ITIH5: variants seen among roughly 807,000 people sequenced by gnomAD.
ITIH5 encodes inter-alpha-trypsin inhibitor heavy chain H5.
A neutral mutation model predicts 77.5 loss-of-function variants in ITIH5; 65 were observed. The ratio of observed to expected loss-of-function variants is 0.84; its 90% CI spans 0.69 to 1.03. The LOEUF (loss-of-function observed/expected upper bound fraction) is 1.03, where lower values mean the gene tolerates loss of function less well. Ranked by LOEUF, ITIH5 falls within the 50% of genes least tolerant of loss-of-function variation. ITIH5 has a pLI of 0.00. For missense variants in ITIH5, 1,208 were observed against 1,213.1 expected (o/e 1.00, Z 0.06); for synonymous variants, 525 against 494.3 (o/e 1.06, Z -0.82).
Position 7,585,886 on chromosome 10 carries a change from A to C in ITIH5, c.1108+15T>G. The C allele has an allele frequency of 5.7e-6, 9 of 1,578,344 alleles. No individual in the cohort carries two copies. Among genetic ancestry groups the C allele is most frequent in the Non-Finnish European group, 6.9e-6 (8 of 1,164,010 alleles). The stretch of plus-strand genomic sequence containing the variant: ...TCAAAGCCAAGCCAATGTGAAAAGA[A>C]GGTGTCATCTTTACCTCCAGTGGGT... On this transcript the variant is annotated intron_variant, in intron 8 of 13. Coordinates refer to ENST00000397146, the MANE Select transcript of ITIH5 (RefSeq NM_030569.7).
chr10:7,623,702 G>C (rs921203078), intron 5 of ITIH5, among the ~76,000 whole-genome samples: 2 of 150,978 alleles, frequency 1.3e-5, no homozygotes. Context: ...ACTCAGGAGG[G>C]TGAGGCAGGA....
At chr10:7,612,030 CT>C (rs1564259615) in intron 7 of ITIH5, among the ~76,000 whole-genome samples, 1 of 151,562 alleles carries the variant, frequency 6.6e-6, no homozygotes, top group Non-Finnish European at 1.5e-5. Flanking sequence ...TTGGCACAGA[CT>C]TTTTAGAAAA....
intron 7 of ITIH5, among the ~76,000 whole-genome samples, chr10:7,605,541 C>G (rs1045887911): frequency 7.9e-5 from 12 of 151,650 alleles, no homozygotes; most frequent in Admixed American, 2.0e-4. Context: ...GCACCCCACC[C>G]CCAACAGCCT....
chr10:7,651,216 C>G (rs1834095062), intron 2 of ITIH5, among the ~76,000 whole-genome samples: 1 of 150,208 alleles, frequency 6.7e-6, no homozygotes, highest in Non-Finnish European at 1.5e-5. Context: ...AGCAGACAAC[C>G]CTGCTGCAAG....
At chr10:7,657,911 A>C (rs1834213623) in intron 1 of ITIH5, among the ~76,000 whole-genome samples, 1 of 152,248 alleles carries the variant, frequency 6.6e-6, no homozygotes, top group Admixed American at 6.5e-5. Context: ...AGTGACCAAC[A>C]GGTGCAGAGC....
chr10:7,599,727 A>C (rs1230638228), intron 7 of ITIH5, among the ~76,000 whole-genome samples: 1 of 152,234 alleles, frequency 6.6e-6, no homozygotes, highest in African/African-American at 2.4e-5. Flanking sequence ...GGCTGGGAAA[A>C]AGCCATGCTC....
intron 7 of ITIH5, among the ~76,000 whole-genome samples, chr10:7,614,622 T>C (rs1287767963): frequency 6.6e-6 from 1 of 152,142 alleles, no homozygotes; most frequent in Non-Finnish European, 1.5e-5. Context: ...TAAACCCTAG[T>C]CTCACTTCAT....
rs1433904375 is a variant in ITIH5 at position 7,559,362 on chromosome 10, C to T, written c.*3721G>A. ...GACCAATATGTTGTTTGTTTTTATG[C>T]ATCGTTCTCTTATAAATTTTTTGTC... On this transcript the variant is annotated 3_prime_UTR_variant, in exon 14 of 14. Transcript: ENST00000397146. 2.0e-5 allele frequency: 3 copies of T among 146,888 alleles called. No homozygotes were observed. Among genetic ancestry groups the T allele is most frequent in the African/African-American group, 8.2e-5 (3 of 36,808 alleles). 9.1% of individuals were successfully genotyped at this position (146,888 alleles called of 1,614,324 possible).
chr10:7,624,728 G>A (rs1484505858), intron 5 of ITIH5, among the ~76,000 whole-genome samples: 1 of 136,680 alleles, frequency 7.3e-6, no homozygotes, highest in Non-Finnish European at 1.6e-5. Context: ...AGAGGTTGCA[G>A]TGAGCCAAGA....
chr10:7,644,498 TCA>T (rs1833946298), intron 2 of ITIH5, among the ~76,000 whole-genome samples: 1 of 139,556 alleles, frequency 7.2e-6, no homozygotes, highest in Non-Finnish European at 1.5e-5. Flanking sequence ...TATATCATAA[TCA>T]CATATATATG....
At chr10:7,575,458 C>T (rs1006687507) in intron 10 of ITIH5, among the ~76,000 whole-genome samples, 1 of 152,178 alleles carries the variant, frequency 6.6e-6, no homozygotes, top group Non-Finnish European at 1.5e-5. Context: ...AGTTTCCTCT[C>T]CTAGGAGAGA....
chr10:7,571,885 T>A, intron 11 of ITIH5: 1 of 770,492 alleles, frequency 1.3e-6, no homozygotes, highest in Non-Finnish European at 1.6e-6. Flanking sequence ...TGATCTGTTG[T>A]TGGTTCGATC....
intron 7 of ITIH5, among the ~76,000 whole-genome samples, chr10:7,592,657 A>G (rs953447827): frequency 3.3e-5 from 5 of 152,202 alleles, no homozygotes; most frequent in African/African-American, 1.2e-4. Context: ...AAGCTGCCTG[A>G]TAGACAAGCT....
At chr10:7,588,510 G>A (rs922263476) in intron 7 of ITIH5, among the ~76,000 whole-genome samples, 1 of 152,144 alleles carries the variant, frequency 6.6e-6, no homozygotes, top group Non-Finnish European at 1.5e-5. Flanking sequence ...GAGTGAAAAT[G>A]TGTCTCAAAA....
chr10:7,645,700 T>G (rs1047578536), intron 2 of ITIH5, among the ~76,000 whole-genome samples: 1 of 152,202 alleles, frequency 6.6e-6, no homozygotes, highest in Admixed American at 6.5e-5. Context: ...TATTATACAG[T>G]ACCATTTAAT....
chr10:7,571,928 A>C, intron 11 of ITIH5: 6 of 983,520 alleles, frequency 6.1e-6, no homozygotes, highest in Non-Finnish European at 7.3e-6. Flanking sequence ...GATAGAGGAC[A>C]ACTGTCTAGC....
chr10:7,634,696 A>T (rs944848048), intron 5 of ITIH5, among the ~76,000 whole-genome samples: 1 of 152,136 alleles, frequency 6.6e-6, no homozygotes, highest in East Asian at 1.9e-4. Context: ...AGTCATTATG[A>T]TTCTGAAAAT....
chr10:7,626,932 C>T (rs1038881084), intron 5 of ITIH5, among the ~76,000 whole-genome samples: 1 of 152,178 alleles, frequency 6.6e-6, no homozygotes, highest in Non-Finnish European at 1.5e-5. Flanking sequence ...AATTTACCAA[C>T]GTAAGCCAAG....
chr10:7,589,196 A>C (rs567958713), intron 7 of ITIH5, among the ~76,000 whole-genome samples: 16 of 152,312 alleles, frequency 1.1e-4, no homozygotes, highest in African/African-American at 3.8e-4. Flanking sequence ...AGTGGCTCAC[A>C]CCTGTAATCC....
Sources: gnomAD v4.1 joint callset for allele counts (sites outside exome capture counted in the v4.1 genomes callset) on GRCh38, gnomAD v4.1.1 for gene constraint, MANE v1.5 for transcripts, NCBI Gene and HGNC (gene_info 2026-07-23, HGNC 2026-07-21) for gene names.